SCFD2: variants seen among roughly 807,000 people sequenced by gnomAD.
SCFD2 encodes sec1 family domain-containing protein 2.
A neutral mutation model predicts 58.9 loss-of-function variants in SCFD2; 54 were observed. The observed-to-expected ratio is 0.92, with a 90% CI of 0.74 to 1.15. The LOEUF (loss-of-function observed/expected upper bound fraction) is 1.15, where lower values mean the gene tolerates loss of function less well. Among genes scored for constraint, SCFD2 ranks in the 50% most tolerant of loss-of-function variants. The pLI, the probability that SCFD2 is intolerant of heterozygous loss-of-function variation, is 0.00. For synonymous variants in SCFD2, 321 were observed against 335.9 expected, an observed-to-expected ratio of 0.96 and a Z score of 0.49; for missense variants, 805 against 836.6, an observed-to-expected ratio of 0.96 and a Z score of 0.47.
intron 7 of SCFD2, among the ~76,000 whole-genome samples, chr4:52,893,554 C>T (rs1169855104): frequency 6.6e-6 from 1 of 152,214 alleles, no homozygotes; most frequent in Admixed American, 6.5e-5. Context: ...CACAAGCCAA[C>T]AATCTCCCCT....
intron 5 of SCFD2, among the ~76,000 whole-genome samples, chr4:53,035,896 AC>A (rs1349062908): frequency 6.6e-6 from 1 of 152,164 alleles, no homozygotes; most frequent in Non-Finnish European, 1.5e-5. Flanking sequence ...AATTAGTTCC[AC>A]CATTGTGGAA....
intron 5 of SCFD2, among the ~76,000 whole-genome samples, chr4:53,009,699 G>T (rs963520078): frequency 8.5e-5 from 13 of 152,108 alleles, no homozygotes; most frequent in African/African-American, 3.1e-4. Flanking sequence ...ACAGACTGAA[G>T]GATCCTAACC....
chr4:53,115,145 T>TA (rs1340212473), intron 5 of SCFD2, among the ~76,000 whole-genome samples: 1 of 152,130 alleles, frequency 6.6e-6, no homozygotes, highest in Non-Finnish European at 1.5e-5. Context: ...TTTCAATAGT[T>TA]ACAATAAATG....
At chr4:53,361,886 A>G (rs762056480) in intron 1 of SCFD2, among the ~76,000 whole-genome samples, 135 of 152,290 alleles carry the variant, frequency 8.9e-4, no homozygotes, top group Non-Finnish European at 1.7e-3. Context: ...TAAGTGTGTT[A>G]ATTTCAATTA....
chr4:53,210,492 C>T lies in SCFD2; in HGVS notation c.1311+63334G>A, dbSNP rs1284232669. On this transcript the variant is annotated intron_variant, in intron 4 of 8. Coordinates refer to ENST00000401642, the MANE Select transcript of SCFD2 (RefSeq NM_152540.4). ...AGCTATGTGATGTGTGATACGACAA[C>T]AGATTGAATGCAGAAGGAGAGACGA... 3.9e-5 allele frequency among the ~76,000 whole-genome samples: 6 copies of T among 152,124 alleles called. No homozygotes were observed. The East Asian group carries it at 1.2e-3, about 29-fold the overall frequency.
intron 7 of SCFD2, among the ~76,000 whole-genome samples, chr4:52,902,783 C>A (rs916975841): frequency 6.6e-6 from 1 of 152,176 alleles, no homozygotes; most frequent in African/African-American, 2.4e-5. Context: ...CAAAGATGTG[C>A]CCAAGGTCAC....
chr4:53,278,074 A>G (rs1577924460), intron 3 of SCFD2, among the ~76,000 whole-genome samples: 1 of 151,480 alleles, frequency 6.6e-6, no homozygotes, highest in South Asian at 2.1e-4. Flanking sequence ...AAAAAAAAAA[A>G]AAACAGTCCT....
At chr4:52,914,164 TGC>T (rs1369078958) in intron 6 of SCFD2, among the ~76,000 whole-genome samples, 1 of 152,240 alleles carries the variant, frequency 6.6e-6, no homozygotes, top group Non-Finnish European at 1.5e-5. Flanking sequence ...TGTCAAACTA[TGC>T]AGCCAGGCAA....
intron 4 of SCFD2, among the ~76,000 whole-genome samples, chr4:53,179,191 A>G (rs551141917): frequency 8.5e-5 from 13 of 152,320 alleles, no homozygotes; most frequent in African/African-American, 2.9e-4. Context: ...TCCAAGACAC[A>G]TAATTGTCAG....
At chr4:53,326,067 A>G (rs1560447772) in intron 2 of SCFD2, among the ~76,000 whole-genome samples, 1 of 152,238 alleles carries the variant, frequency 6.6e-6, no homozygotes, top group Admixed American at 6.5e-5. Flanking sequence ...AAAACATACT[A>G]TCTTTTAAAT....
intron 7 of SCFD2, among the ~76,000 whole-genome samples, chr4:52,891,662 C>G (rs541575876): frequency 4.9e-5 from 7 of 141,614 alleles, no homozygotes; most frequent in Admixed American, 2.0e-4. Flanking sequence ...GCATTCATCT[C>G]TGAAAACTCT....
At chr4:53,022,349 C>T (rs998151169) in intron 5 of SCFD2, among the ~76,000 whole-genome samples, 3 of 152,146 alleles carry the variant, frequency 2.0e-5, no homozygotes, top group South Asian at 2.1e-4. Flanking sequence ...TGCCTGATCC[C>T]CCATCTAGGG....
chr4:53,180,477 G>C (rs1341426029), intron 4 of SCFD2, among the ~76,000 whole-genome samples: 1 of 151,980 alleles, frequency 6.6e-6, no homozygotes, highest in Non-Finnish European at 1.5e-5. Context: ...CAACATACCA[G>C]AATCTCTGGG....
At chr4:52,995,989 C>G (rs921182024) in intron 5 of SCFD2, among the ~76,000 whole-genome samples, 1 of 152,222 alleles carries the variant, frequency 6.6e-6, no homozygotes, top group Non-Finnish European at 1.5e-5. Flanking sequence ...AATGCCAGAT[C>G]TATCCAGAGT....
intron 5 of SCFD2, among the ~76,000 whole-genome samples, chr4:53,022,373 T>A (rs983224076): frequency 1.8e-4 from 28 of 152,220 alleles, no homozygotes; most frequent in African/African-American, 6.5e-4. Flanking sequence ...CTAAGGTCAT[T>A]GAAGGCTCAC....
chr4:53,325,425 AAAG>A (rs1733161460), intron 2 of SCFD2, among the ~76,000 whole-genome samples: 1 of 152,196 alleles, frequency 6.6e-6, no homozygotes, highest in African/African-American at 2.4e-5. Flanking sequence ...AGGAAATAAA[AAAG>A]AAGAAAGATG....
chr4:53,055,374 A>C (rs1723307107), intron 5 of SCFD2, among the ~76,000 whole-genome samples: 1 of 152,132 alleles, frequency 6.6e-6, no homozygotes, highest in Non-Finnish European at 1.5e-5. Context: ...CAGGCAGAAA[A>C]GTGGCATGGC....
chr4:53,272,432 C>T (rs1395003387), intron 4 of SCFD2, among the ~76,000 whole-genome samples: 1 of 152,096 alleles, frequency 6.6e-6, no homozygotes, highest in East Asian at 1.9e-4. Context: ...TTCACAATAG[C>T]AAAGACTTGG....
At chr4:53,068,513 G>A (rs1256125635) in intron 5 of SCFD2, among the ~76,000 whole-genome samples, 1 of 151,964 alleles carries the variant, frequency 6.6e-6, no homozygotes, top group Non-Finnish European at 1.5e-5. Context: ...ACAAAAATGT[G>A]TTGGTGCATA....
Sources: gnomAD v4.1 joint callset for allele counts (sites outside exome capture counted in the v4.1 genomes callset) on GRCh38, gnomAD v4.1.1 for gene constraint, MANE v1.5 for transcripts, NCBI Gene and HGNC (gene_info 2026-07-23, HGNC 2026-07-21) for gene names.